Variants in B9D1 observed in about 807,000 individuals in gnomAD.
B9D1 encodes the protein B9 domain containing 1.
In B9D1, 20 loss-of-function variants were observed where a neutral mutation model predicts 26.1. That is an observed-to-expected ratio of 0.77 (90% CI 0.54 to 1.12). B9D1 has a LOEUF of 1.12. Among genes scored for constraint, B9D1 ranks in the 50% most tolerant of loss-of-function variants. The probability of loss-of-function intolerance (pLI) is 0.00; values close to 1 mark genes in which losing one functional copy is unlikely to be tolerated. For synonymous variants in B9D1, 105 were observed against 103.1 expected (o/e 1.02, Z -0.11); for missense variants, 260 against 273.7 (o/e 0.95, Z 0.35).
downstream of B9D1, among the ~76,000 whole-genome samples, chr17:19,342,368 T>G (rs935605794): frequency 1.3e-5 from 2 of 152,086 alleles, no homozygotes; most frequent in African/African-American, 4.8e-5. Flanking sequence ...GCAAGTGCCA[T>G]GACGACAGTC....
chr17:19,346,233 G>C (rs1334620311), intron 5 of B9D1, among the ~76,000 whole-genome samples: 1 of 152,200 alleles, frequency 6.6e-6, no homozygotes, highest in Non-Finnish European at 1.5e-5. Context: ...TTTGCTACAG[G>C]GTGGCCTCCC....
chr17:19,357,937 C>A lies in B9D1; in HGVS notation c.147G>T (p.Gly49=). 1.2e-6 allele frequency: 2 copies of A among 1,613,922 alleles called. No homozygotes were observed. The highest frequency in any genetic ancestry group is 1.7e-6 in the Non-Finnish European group (2 of 1,179,840). The change falls in exon 3 of 7, where the codon GGG becomes GGT. Residue 49 remains glycine (G), a synonymous_variant. Coordinates refer to ENST00000261499, the MANE Select transcript of B9D1 (RefSeq NM_015681.6). ...GGCTCTTGGATGTGATCTGTGAGATCCCCTCCTCCAGACCCTGTGAGGACA... is the reference window on the plus strand; with the variant it reads ...GGCTCTTGGATGTGATCTGTGAGATACCCTCCTCCAGACCCTGTGAGGACA... ...DWAPTAGLEE[G]ISQITSKSQD... is the part of the protein sequence containing the mutation.
upstream of B9D1, among the ~76,000 whole-genome samples, chr17:19,366,933 A>C (rs1208836089): frequency 6.6e-6 from 1 of 152,194 alleles, no homozygotes; most frequent in Non-Finnish European, 1.5e-5. Context: ...CTGAGAGGCC[A>C]AAGAGAGAGG....
upstream of B9D1, chr17:19,363,593 C>CA (rs1434813994): frequency 1.3e-5 from 2 of 152,254 alleles, no homozygotes; most frequent in Non-Finnish European, 2.9e-5. Context: ...GGGCCAGCCC[C>CA]AACAGCATCT....
chr17:19,341,211 C>T (rs1907927836), downstream of B9D1: 6 of 1,231,660 alleles, frequency 4.9e-6, no homozygotes, highest in Non-Finnish European at 6.1e-6. Context: ...TACGTGCACA[C>T]CACAGGCTAG....
At chr17:19,335,581 AC>A, downstream of B9D1, 6 of 985,974 alleles carry the variant, frequency 6.1e-6, no homozygotes, top group South Asian at 1.9e-5. Flanking sequence ...TTCTGTGCCC[AC>A]GGGTCCCTGG....
At chr17:19,369,288 G>A (rs1285950641) in intron 1 of B9D1, among the ~76,000 whole-genome samples, 2 of 152,158 alleles carry the variant, frequency 1.3e-5, no homozygotes, top group African/African-American at 4.8e-5. Flanking sequence ...GGCCCTGCAT[G>A]GAGGGAGGGG....
intron 1 of B9D1, among the ~76,000 whole-genome samples, chr17:19,361,249 A>G (rs1911020700): frequency 6.6e-6 from 1 of 152,204 alleles, no homozygotes; most frequent in African/African-American, 2.4e-5. Flanking sequence ...AGGTAATAAT[A>G]GAAATAAAGT....
chr17:19,342,881 G>A (rs955747026), downstream of B9D1, among the ~76,000 whole-genome samples: 3 of 152,190 alleles, frequency 2.0e-5, no homozygotes, highest in Admixed American at 6.5e-5. Context: ...ATGGCTGAAC[G>A]GGTGATTCTA....
At chr17:19,344,600 G>T in intron 5 of B9D1, 2 of 212,734 alleles carry the variant, frequency 9.4e-6, no homozygotes, top group Non-Finnish European at 1.0e-5. Context: ...GCCGGGACTC[G>T]CGGCCGCGCC....
intron 5 of B9D1, among the ~76,000 whole-genome samples, chr17:19,346,430 GC>G (rs1416321558): frequency 6.6e-6 from 1 of 152,372 alleles, no homozygotes; most frequent in African/African-American, 2.4e-5. Flanking sequence ...GCTCGCAGGG[GC>G]TGCTTGCCGG....
At chr17:19,345,420 C>T (rs1908636792) in intron 5 of B9D1, among the ~76,000 whole-genome samples, 1 of 152,286 alleles carries the variant, frequency 6.6e-6, no homozygotes, top group African/African-American at 2.4e-5. Flanking sequence ...TCAAAGATAG[C>T]AGATCCTAGT....
At chr17:19,361,143 C>T (rs535062978) in intron 1 of B9D1, among the ~76,000 whole-genome samples, 1 of 152,112 alleles carries the variant, frequency 6.6e-6, no homozygotes, top group Non-Finnish European at 1.5e-5. Context: ...TCCCATCACA[C>T]CCAGATGGGA....
chr17:19,337,913 T>G (rs11650112), downstream of B9D1, among the ~76,000 whole-genome samples: 9 of 151,062 alleles, frequency 6.0e-5, no homozygotes, highest in East Asian at 2.0e-4. Context: ...TGGTGGAGGG[T>G]GGGAGGTGGG....
At chr17:19,360,008 CAG>C (rs1457238496) in intron 2 of B9D1, among the ~76,000 whole-genome samples, 7 of 152,150 alleles carry the variant, frequency 4.6e-5, no homozygotes, top group African/African-American at 1.7e-4. Context: ...GCGGACTGGC[CAG>C]AGTGTCCACA....
intron 1 of B9D1, among the ~76,000 whole-genome samples, chr17:19,375,238 T>C (rs1912050574): frequency 6.6e-6 from 1 of 150,506 alleles, no homozygotes; most frequent in African/African-American, 2.5e-5. Flanking sequence ...TGCAGTGAGC[T>C]GAGATCCTAC....
chr17:19,370,563 T>C lies in B9D1; in HGVS notation c.-298+7296A>G, dbSNP rs1797349483. Reference sequence around the variant, plus strand: ...GTGTTTGCTCAGCTGCTGGGCTCTCTTGGGACCATAGAGGACTGCAGCACC... The same window carrying C: ...GTGTTTGCTCAGCTGCTGGGCTCTCCTGGGACCATAGAGGACTGCAGCACC... On this transcript the variant is annotated intron_variant, in intron 1 of 5. Transcript: ENST00000477478. The surrounding 1 kb of genome is among the most constrained non-coding windows in gnomAD (Gnocchi z 5.1). 6.6e-6 allele frequency among the ~76,000 whole-genome samples: 1 copy of C among 152,204 alleles called. No individual in the cohort carries two copies. Among genetic ancestry groups the C allele is most frequent in the South Asian group, 2.1e-4 (1 of 4,830 alleles).
downstream of B9D1, among the ~76,000 whole-genome samples, chr17:19,340,343 T>C (rs749061499): frequency 7.2e-5 from 11 of 151,840 alleles, no homozygotes; most frequent in Non-Finnish European, 1.6e-4. Context: ...GCTAACTTTT[T>C]GTATTTTTAG....
chr17:19,362,631 G>C lies in B9D1; in HGVS notation c.-62C>G. ...CGCGCGCGGTTGCTAAGAGACGCCG[G>C]CGTTGCCCTAGAAACAGACGGCGTA... On this transcript the variant is annotated 5_prime_UTR_variant, in exon 1 of 7. Coordinates refer to ENST00000261499, the MANE Select transcript of B9D1 (RefSeq NM_015681.6). The C allele has an allele frequency of 6.4e-7, 1 of 1,563,252 alleles. No individual in the cohort carries two copies. The highest frequency in any genetic ancestry group is 8.7e-7 in the Non-Finnish European group (1 of 1,153,270).
Sources: gnomAD v4.1 joint callset for allele counts (sites outside exome capture counted in the v4.1 genomes callset) on GRCh38, gnomAD v4.1.1 for gene constraint, Gnocchi (gnomAD v3.1) non-coding constraint, MANE v1.5 for transcripts, NCBI Gene and HGNC (gene_info 2026-07-23, HGNC 2026-07-21) for gene names.